Variants in DNAH9 observed in about 807,000 individuals in gnomAD.
DNAH9 encodes DNAH9 variant protein.
Under a neutral mutation model 471.6 loss-of-function variants are expected in DNAH9, and 345 were observed. That is an observed-to-expected ratio of 0.73 (90% CI 0.67 to 0.80). The LOEUF (loss-of-function observed/expected upper bound fraction) is 0.80, where lower values mean the gene tolerates loss of function less well. Ranked by LOEUF, DNAH9 falls within the 30% of genes least tolerant of loss-of-function variation. The pLI, the probability that DNAH9 is intolerant of heterozygous loss-of-function variation, is 0.00. For missense variants in DNAH9, 5,407 were observed against 5,609.2 expected (o/e 0.96, Z 1.15); for synonymous variants, 2,093 against 2,123.6 (o/e 0.99, Z 0.40).
intron 61 of DNAH9, among the ~76,000 whole-genome samples, chr17:11,919,117 A>T (rs1434409148): frequency 6.6e-6 from 1 of 152,200 alleles, no homozygotes; most frequent in Non-Finnish European, 1.5e-5. Flanking sequence ...AAATGCAGAC[A>T]AAATGGCAGT....
At chr17:11,848,169 G>A (rs1971291051) in intron 49 of DNAH9, among the ~76,000 whole-genome samples, 2 of 152,118 alleles carry the variant, frequency 1.3e-5, no homozygotes, top group South Asian at 4.2e-4. Flanking sequence ...CTGGTGTGTT[G>A]TATCATCATT....
rs150458054 is a variant in DNAH9 at position 11,856,439 on chromosome 17, C to T, written c.9933+2011C>T. On this transcript the variant is annotated intron_variant, in intron 50 of 68. Coordinates refer to ENST00000262442, the MANE Select transcript of DNAH9 (RefSeq NM_001372.4). ...TTTGGGCCGGGTGCAGTGGCTCATG[C>T]CTGTAATCCCAGCACTTTGGGAGGT... Among the ~76,000 whole-genome samples, 1,001 of 152,074 alleles carry T rather than the reference C, an allele frequency of 6.6e-3. 15 individuals carry two copies. The highest frequency in any genetic ancestry group is 0.023 in the African/African-American group (944 of 41,462).
chr17:11,733,384 G>A lies in DNAH9; in HGVS notation c.5814+5462G>A, dbSNP rs1465060707. ...TGAGTGAGTCAGACACAAGGCCCTA[G>A]CCTGAGTGGGAGGATACAGGGACAG... On this transcript the variant is annotated intron_variant, in intron 28 of 68. Transcript: ENST00000262442. Among the ~76,000 whole-genome samples the A allele has an allele frequency of 4.6e-5, 7 of 152,216 alleles. No individual in the cohort carries two copies. In the East Asian group the frequency reaches 1.3e-3, roughly 29 times the overall value.
chr17:11,598,480 C>A lies in DNAH9; in HGVS notation c.-19C>A. The A allele has an allele frequency of 7.4e-7, 1 of 1,353,724 alleles. No homozygotes were observed. The highest frequency in any genetic ancestry group is 9.4e-7 in the Non-Finnish European group (1 of 1,059,712). 83.9% of individuals were successfully genotyped at this position (1,353,724 alleles called of 1,614,324 possible). ...GTCCCCGTCGCTAGGGAAACCGATG[C>A]AGCTGGAGGCCGCGCGCGATGCGGC... is the stretch of plus-strand genomic sequence containing the variant. On this transcript the variant is annotated 5_prime_UTR_variant, in exon 1 of 69. Transcript: ENST00000262442.
intron 52 of DNAH9, among the ~76,000 whole-genome samples, chr17:11,874,597 T>C (rs2150988597): frequency 6.6e-6 from 1 of 152,158 alleles, no homozygotes; most frequent in Admixed American, 6.5e-5. Context: ...AACACAGACA[T>C]ATAGCAGAGA....
intron 10 of DNAH9, 102 bp downstream of exon 10, chr17:11,640,486 AATC>A (rs2073251253): frequency 4.9e-6 from 4 of 814,598 alleles, no homozygotes; most frequent in Non-Finnish European, 8.6e-6. Flanking sequence ...AAGGCCAGAA[AATC>A]ATCTTCCTTT....
rs111822871 is a variant in DNAH9, at chr17:11,769,385, C to T, written c.7552+56C>T. The T allele has an allele frequency of 3.7e-4, 554 of 1,493,758 alleles. No homozygotes were observed. The African/African-American group carries it at 6.3e-3, about 17-fold the overall frequency. The allele number at this position is 1,493,758 out of a possible 1,614,324, so 92.5% of individuals were successfully genotyped here. A position where few individuals can be genotyped will look rare whatever the true frequency, so the allele number is the denominator to read the frequency against. On this transcript the variant is annotated intron_variant, in intron 38 of 68. Transcript: ENST00000262442. The stretch of plus-strand genomic sequence containing the variant: ...GCATCTGGGTGGCCGTGTCACCTGA[C>T]ACAGAGCTGAAGCCAAGCGTCAGGT...
At chr17:11,830,140 G>A (rs1372903306) in intron 48 of DNAH9, among the ~76,000 whole-genome samples, 1 of 152,244 alleles carries the variant, frequency 6.6e-6, no homozygotes, top group Middle Eastern at 3.4e-3. Context: ...AGATCTTTAG[G>A]TGGCATCTTC....
intron 45 of DNAH9, among the ~76,000 whole-genome samples, chr17:11,821,286 CAA>C (rs58010981): frequency 0.033 from 4,036 of 123,772 alleles, 127 homozygotes; most frequent in African/African-American, 0.088. Flanking sequence ...AACTCTATCT[CAA>C]AAAAAAAAAA....
At chr17:11,748,869 C>T (rs1967017730) in intron 32 of DNAH9, among the ~76,000 whole-genome samples, 1 of 152,054 alleles carries the variant, frequency 6.6e-6, no homozygotes, top group African/African-American at 2.4e-5. Context: ...AATGTCTGAC[C>T]ACATCCGGGT....
At chr17:11,781,280 G>T (rs980979701) in intron 39 of DNAH9, 106 bp downstream of exon 39, 46 of 1,215,164 alleles carry the variant, frequency 3.8e-5, no homozygotes, top group Non-Finnish European at 4.5e-5. Context: ...CATAGCTCTG[G>T]TGCCAGATGG....
chr17:11,769,436 C>A (rs1968110701), intron 38 of DNAH9, 107 bp downstream of exon 38: 3 of 951,478 alleles, frequency 3.2e-6, no homozygotes, highest in South Asian at 1.5e-5. Flanking sequence ...GTTCTGCATA[C>A]CCCAGCACTG....
chr17:11,718,237 G>A (rs1168167572), intron 26 of DNAH9, among the ~76,000 whole-genome samples: 3 of 152,162 alleles, frequency 2.0e-5, no homozygotes, highest in South Asian at 2.1e-4. Context: ...TTTGAGGTTC[G>A]TCCATCCTGT....
At position 11,694,395 on chromosome 17, in the gene DNAH9, TCTC is replaced by T. The variant is rs1258961134; in HGVS notation, c.4828_4830del (p.Ser1610del). 1.2e-6 allele frequency: 2 copies of T among 1,613,038 alleles called. No homozygotes were observed. The highest frequency in any genetic ancestry group is 8.5e-7 in the Non-Finnish European group (1 of 1,179,794). The stretch of plus-strand genomic sequence containing the variant: ...CTTGCCTTCCCGCGGTTTTACTTTC[TCTC>T]CTCCTCCGATCTGTTAGACATCCTT... On this transcript the variant is annotated inframe_deletion, in exon 22 of 69. Coordinates refer to ENST00000262442, the MANE Select transcript of DNAH9 (RefSeq NM_001372.4).
At chr17:11,746,633 G>A (rs774315048) in intron 31 of DNAH9, among the ~76,000 whole-genome samples, 85 of 152,076 alleles carry the variant, frequency 5.6e-4, no homozygotes, top group Non-Finnish European at 8.8e-4. Flanking sequence ...ATGGGGATTC[G>A]AGATGAGATT....
At chr17:11,806,627 A>G (rs368857337) in intron 43 of DNAH9, among the ~76,000 whole-genome samples, 74 of 151,382 alleles carry the variant, frequency 4.9e-4, no homozygotes, top group African/African-American at 1.6e-3. Flanking sequence ...TAAAATACAC[A>G]TAACAGAAAT....
At chr17:11,643,353 C>T (rs2073314740) in intron 10 of DNAH9, among the ~76,000 whole-genome samples, 1 of 152,144 alleles carries the variant, frequency 6.6e-6, no homozygotes. Flanking sequence ...GAGGGACCCT[C>T]ATGTAAAAAC....
intron 28 of DNAH9, among the ~76,000 whole-genome samples, chr17:11,734,985 G>A (rs1456491139): frequency 6.6e-6 from 1 of 152,156 alleles, no homozygotes; most frequent in Non-Finnish European, 1.5e-5. Context: ...CGGAGGGCCT[G>A]TTCCGACGCA....
At position 11,699,794 on chromosome 17, in the gene DNAH9, A is replaced by G. The variant is rs189320726; in HGVS notation, c.4936A>G (p.Ser1646Gly). ...CAAGATGCGATTCCAGCTAGATGCC[A>G]GTGGGGAACCAACCAAGACAAGCCT... ...MAKMRFQLDA[S>G]GEPTKTSLGM... The change falls in exon 23 of 69, where the codon AGT (serine) becomes GGT (glycine). Residue 1646 changes from serine (S) to glycine (G), a missense_variant. This residue lies in a region of DNAH9 where 4,636 missense variants were observed against 4,900.3 expected (regional missense o/e 0.95). Transcript: ENST00000262442. The G allele has an allele frequency of 1.7e-4, 282 of 1,614,198 alleles. 1 individual carries two copies. The East Asian group carries it at 5.3e-3, about 31-fold the overall frequency.
Sources: gnomAD v4.1 joint callset for allele counts (sites outside exome capture counted in the v4.1 genomes callset) on GRCh38, gnomAD v4.1.1 for gene constraint, gnomAD v4.1.1 regional missense constraint, MANE v1.5 for transcripts, NCBI Gene and HGNC (gene_info 2026-07-23, HGNC 2026-07-21) for gene names.